MAGI1: variants seen among roughly 807,000 people sequenced by gnomAD.
The protein encoded by MAGI1 is membrane associated guanylate kinase, WW and PDZ domain containing 1.
Under a neutral mutation model 139.9 loss-of-function variants are expected in MAGI1, and 58 were observed. That is an observed-to-expected ratio of 0.41 (90% confidence interval 0.34 to 0.52). The LOEUF (loss-of-function observed/expected upper bound fraction) is 0.52. MAGI1 is among the 20% of genes least tolerant of loss of function. The pLI is 0.12. For missense variants in MAGI1, 1,874 were observed against 1,901.6 expected (o/e 0.99, Z 0.27); for synonymous variants, 812 against 737.9 (o/e 1.10, Z -1.63).
At chr3:65,812,081 T>C (rs1427155958) in intron 1 of MAGI1, among the ~76,000 whole-genome samples, 2 of 152,064 alleles carry the variant, frequency 1.3e-5, no homozygotes, top group African/African-American at 4.8e-5. Flanking sequence ...CAGCCTGAAA[T>C]TGATCTGTGT....
chr3:65,461,364 T>C (rs1240895558), intron 5 of MAGI1, among the ~76,000 whole-genome samples: 6 of 151,786 alleles, frequency 4.0e-5, no homozygotes, highest in African/African-American at 1.5e-4. Context: ...TATAGGCTCG[T>C]GCCAATACAC....
At chr3:66,030,692 G>A (rs960681068) in intron 1 of MAGI1, among the ~76,000 whole-genome samples, 2 of 152,138 alleles carry the variant, frequency 1.3e-5, no homozygotes, top group Non-Finnish European at 2.9e-5. Flanking sequence ...GTGGGCACTA[G>A]CAGGCAGGAC....
chr3:65,680,543 G>A (rs931691059), intron 1 of MAGI1, among the ~76,000 whole-genome samples: 1 of 152,050 alleles, frequency 6.6e-6, no homozygotes, highest in African/African-American at 2.4e-5. Context: ...GTCTCCTGAG[G>A]AGCTGGGACT....
chr3:65,598,588 T>A (rs2082340071), intron 2 of MAGI1, among the ~76,000 whole-genome samples: 1 of 152,198 alleles, frequency 6.6e-6, no homozygotes, highest in Non-Finnish European at 1.5e-5. Flanking sequence ...TGGAGTGGCT[T>A]AGAAAATGAA....
chr3:65,772,579 G>A (rs2038042513), intron 1 of MAGI1, among the ~76,000 whole-genome samples: 1 of 152,214 alleles, frequency 6.6e-6, no homozygotes, highest in East Asian at 1.9e-4. Context: ...GAAGGAAGTA[G>A]GCCAGGAGCT....
chr3:65,479,165 A>T (rs1951085244), intron 3 of MAGI1, among the ~76,000 whole-genome samples: 1 of 152,208 alleles, frequency 6.6e-6, no homozygotes, highest in South Asian at 2.1e-4. Flanking sequence ...GCCTCACAGA[A>T]GATTAAAAAA....
intron 1 of MAGI1, among the ~76,000 whole-genome samples, chr3:65,765,646 C>G (rs890967311): frequency 6.6e-6 from 1 of 152,156 alleles, no homozygotes; most frequent in Admixed American, 6.5e-5. Context: ...AGCTCCTGCT[C>G]TTTAGAAATA....
At chr3:65,595,582 C>T (rs754567673) in intron 2 of MAGI1, among the ~76,000 whole-genome samples, 4 of 152,006 alleles carry the variant, frequency 2.6e-5, no homozygotes, top group Admixed American at 6.5e-5. Flanking sequence ...CAGCAAGGAT[C>T]GGGAGAGGAG....
At chr3:65,826,372 A>C (rs1351896786) in intron 1 of MAGI1, among the ~76,000 whole-genome samples, 2 of 152,236 alleles carry the variant, frequency 1.3e-5, no homozygotes, top group Non-Finnish European at 2.9e-5. Flanking sequence ...TGGGATAAGA[A>C]GTAGAAGGGA....
At chr3:65,372,858 A>AGG (rs1942138418) in intron 18 of MAGI1, among the ~76,000 whole-genome samples, 1 of 152,154 alleles carries the variant, frequency 6.6e-6, no homozygotes, top group African/African-American at 2.4e-5. Flanking sequence ...CCCCTCTCTC[A>AGG]GCCTTTACTG....
rs1029673284 is a variant in MAGI1, at chr3:65,383,619, T to C, written c.2421A>G (p.Pro807=). 6.2e-7 allele frequency: 1 copy of C among 1,601,864 alleles called. No individual in the cohort carries two copies. Among genetic ancestry groups the C allele is most frequent in the Non-Finnish European group, 8.6e-7 (1 of 1,168,802 alleles). Residue 807 remains proline (P), a synonymous_variant, in exon 15 of 23, where the codon CCA becomes CCG. Coordinates refer to ENST00000402939, the MANE Select transcript of MAGI1 (RefSeq NM_001033057.2). Reference sequence around the variant, plus strand: ...GGAAGATGTCCTGTTCCTGGTAATCTGGAACTGCAGAGAGGGGAGAAAAAA... The same window carrying C: ...GGAAGATGTCCTGTTCCTGGTAATCCGGAACTGCAGAGAGGGGAGAAAAAA... ...QSRSMYENRL[P]DYQEQDIFLW... is the part of the protein sequence containing the mutation.
At chr3:65,638,866 CAA>C (rs1406943908) in intron 1 of MAGI1, among the ~76,000 whole-genome samples, 1 of 152,020 alleles carries the variant, frequency 6.6e-6, no homozygotes, top group Non-Finnish European at 1.5e-5. Flanking sequence ...CTCAGCCTCC[CAA>C]AGTGCTGGGA....
chr3:65,532,960 G>A (rs2078787227), intron 2 of MAGI1: 1 of 152,220 alleles, frequency 6.6e-6, no homozygotes, highest in Admixed American at 6.5e-5. Flanking sequence ...TATACCACGT[G>A]ACTCTATGCT....
At chr3:65,877,924 T>C (rs915121922) in intron 1 of MAGI1, among the ~76,000 whole-genome samples, 6 of 152,024 alleles carry the variant, frequency 3.9e-5, no homozygotes, top group African/African-American at 1.4e-4. Context: ...CTGGGCAATA[T>C]GGTGAGACAC....
rs1433200011 is a variant in MAGI1 at position 65,364,845 on chromosome 3, T to C, written c.3290+8A>G. The C allele has an allele frequency of 1.9e-5, 30 of 1,613,712 alleles. No individual in the cohort carries two copies. Among genetic ancestry groups the C allele is most frequent in the Non-Finnish European group, 2.5e-5 (29 of 1,179,700 alleles). ...CCCCTTTAACAAAGGAAACCAGTCA[T>C]GTCTGACCTTGTCTCCTGGGTCCCT... On this transcript the variant is annotated splice_region_variant and intron_variant, in intron 19 of 22. Coordinates refer to ENST00000402939, the MANE Select transcript of MAGI1 (RefSeq NM_001033057.2).
At chr3:65,881,877 G>T (rs2060343982) in intron 1 of MAGI1, among the ~76,000 whole-genome samples, 1 of 152,106 alleles carries the variant, frequency 6.6e-6, no homozygotes. Context: ...AAAGGCATAA[G>T]AGCCTCTGGA....
intron 4 of MAGI1, among the ~76,000 whole-genome samples, chr3:65,475,153 C>T (rs771164774): frequency 1.3e-5 from 2 of 151,558 alleles, no homozygotes; most frequent in Non-Finnish European, 2.9e-5. Context: ...TGATGTCTCT[C>T]AGAGGTGTTC....
chr3:65,977,854 C>G (rs2065345789), intron 1 of MAGI1, among the ~76,000 whole-genome samples: 1 of 152,166 alleles, frequency 6.6e-6, no homozygotes. Context: ...TCTTTGCCGC[C>G]TCGGTGAATT....
intron 1 of MAGI1, among the ~76,000 whole-genome samples, chr3:65,848,172 G>A (rs766703676): frequency 6.6e-6 from 1 of 152,196 alleles, no homozygotes; most frequent in Non-Finnish European, 1.5e-5. Flanking sequence ...GTCAGACCAC[G>A]TGTCTCTGTT....
Sources: allele counts gnomAD v4.1 joint callset (sites outside exome capture counted in the v4.1 genomes callset), GRCh38; gene constraint gnomAD v4.1.1; transcripts MANE v1.5; gene names NCBI Gene and HGNC (gene_info 2026-07-23, HGNC 2026-07-21).